Variants in MTSS1 observed in about 807,000 individuals in gnomAD.
MTSS1 encodes the protein MTSS I-BAR domain containing 1.
MTSS1 carries 18 observed loss-of-function variants against 79.0 expected under a neutral mutation model. That is an observed-to-expected ratio of 0.23 (90% CI 0.16 to 0.34). The LOEUF is 0.34. Among genes scored for constraint, MTSS1 ranks in the 10% least tolerant of loss-of-function variants. The pLI, the probability that MTSS1 is intolerant of heterozygous loss-of-function variation, is 1.00. For missense variants in MTSS1, 815 were observed against 986.2 expected, an observed-to-expected ratio of 0.83 and a Z score of 2.33; for synonymous variants, 341 against 368.6, an observed-to-expected ratio of 0.93 and a Z score of 0.86.
chr8:124,714,009 T>C (rs1354990356), intron 1 of MTSS1, among the ~76,000 whole-genome samples: 2 of 152,114 alleles, frequency 1.3e-5, no homozygotes, highest in Non-Finnish European at 2.9e-5. Context: ...GGCCTCCCAA[T>C]GTGCTGGGAT....
At chr8:124,649,240 G>GT (rs1005674984) in intron 3 of MTSS1, among the ~76,000 whole-genome samples, 1 of 152,224 alleles carries the variant, frequency 6.6e-6, no homozygotes, top group Non-Finnish European at 1.5e-5. Flanking sequence ...TTGAGTGGTT[G>GT]TGAGAGAGAC....
intron 9 of MTSS1, 39 bp from the exon 10 acceptor site, chr8:124,563,031 G>A (rs1185280826): frequency 1.2e-5 from 18 of 1,535,942 alleles, no homozygotes; most frequent in Non-Finnish European, 1.5e-5. Flanking sequence ...GGGCACGGAA[G>A]GTAAAGAAAG....
At position 124,641,828 on chromosome 8, in the gene MTSS1, T is replaced by C. The variant is rs146226532; in HGVS notation, c.209-50593A>G. ...CCAGAGTAGGAATAAAAGGAAGAGA[T>C]AAACAGAAGAGAATTTAAAAAGTAT... On this transcript the variant is annotated intron_variant, in intron 3 of 13. Coordinates refer to ENST00000518547, the MANE Select transcript of MTSS1 (RefSeq NM_014751.6). Among the ~76,000 whole-genome samples the C allele has an allele frequency of 6.4e-3, 976 of 152,274 alleles. 3 individuals carry two copies. Among genetic ancestry groups the C allele is most frequent in the Non-Finnish European group, 0.011 (723 of 68,014 alleles).
intron 3 of MTSS1, among the ~76,000 whole-genome samples, chr8:124,593,651 G>A (rs1041509785): frequency 6.6e-6 from 1 of 152,216 alleles, no homozygotes; most frequent in African/African-American, 2.4e-5. Context: ...ACTGCTGTGA[G>A]TACTCTGCAC....
chr8:124,578,046 G>T (rs898251908), intron 6 of MTSS1, among the ~76,000 whole-genome samples: 1 of 152,178 alleles, frequency 6.6e-6, no homozygotes, highest in Non-Finnish European at 1.5e-5. Flanking sequence ...CATTTCACAG[G>T]CTTTTTCCAA....
intron 3 of MTSS1, among the ~76,000 whole-genome samples, chr8:124,642,713 C>T (rs1191582129): frequency 6.6e-6 from 1 of 152,166 alleles, no homozygotes; most frequent in Non-Finnish European, 1.5e-5. Context: ...AGGGCTCAGA[C>T]TCTCAAGTAG....
rs1192251648 is a variant in MTSS1, at chr8:124,558,979, G to A, written c.1036-1104C>T. The A allele has an allele frequency of 2.6e-6, 3 of 1,152,638 alleles. No individual in the cohort carries two copies. The African/African-American group carries it at 4.7e-5, about 18-fold the overall frequency. The allele number at this position is 1,152,638 out of a possible 1,614,324, so 71.4% of individuals were successfully genotyped here. A position where few individuals can be genotyped will look rare whatever the true frequency, so the allele number is the denominator to read the frequency against. On this transcript the variant is annotated intron_variant, in intron 10 of 13. Coordinates refer to ENST00000518547, the MANE Select transcript of MTSS1 (RefSeq NM_014751.6). ...AGACAGACATATACACAGAAGAGGG[G>A]AGGATGAGAGAAGCAGAGGGTTAGG...
intron 6 of MTSS1, among the ~76,000 whole-genome samples, chr8:124,574,583 A>T (rs1828598159): frequency 6.6e-6 from 1 of 152,172 alleles, no homozygotes; most frequent in African/African-American, 2.4e-5. Flanking sequence ...TAAACAGCCG[A>T]TCAAAAAGCC....
intron 6 of MTSS1, among the ~76,000 whole-genome samples, chr8:124,579,057 A>C (rs1330824904): frequency 1.3e-5 from 2 of 152,224 alleles, no homozygotes; most frequent in Admixed American, 1.3e-4. Flanking sequence ...AGGGGGTTGC[A>C]GAGATTTCTC....
At chr8:124,564,936 T>C (rs546807517) in intron 9 of MTSS1, 15 of 152,364 alleles carry the variant, frequency 9.8e-5, no homozygotes, top group African/African-American at 3.6e-4. Flanking sequence ...TGGAAACTCA[T>C]TTGGCTTTGA....
At chr8:124,558,764 G>C (rs755093743) in intron 10 of MTSS1, 27 of 1,584,574 alleles carry the variant, frequency 1.7e-5, no homozygotes, top group Middle Eastern at 1.7e-4. Context: ...TGACAGAGGT[G>C]GGGGAGCTGC....
At chr8:124,662,252 A>T (rs1411910379) in intron 3 of MTSS1, among the ~76,000 whole-genome samples, 1 of 152,172 alleles carries the variant, frequency 6.6e-6, no homozygotes, top group African/African-American at 2.4e-5. Flanking sequence ...ATGACAACTG[A>T]GAATGAATAG....
At chr8:124,647,097 G>A (rs562581883) in intron 3 of MTSS1, among the ~76,000 whole-genome samples, 4 of 152,220 alleles carry the variant, frequency 2.6e-5, no homozygotes, top group East Asian at 1.9e-4. Context: ...TGATCCTCCC[G>A]CCTCAGCTTC....
At chr8:124,721,332 A>G (rs1474020114) in intron 1 of MTSS1, among the ~76,000 whole-genome samples, 1 of 151,896 alleles carries the variant, frequency 6.6e-6, no homozygotes, top group Non-Finnish European at 1.5e-5. Context: ...GAATCAATAA[A>G]TCATGGCAAA....
At chr8:124,592,656 T>C (rs62530664) in intron 3 of MTSS1, among the ~76,000 whole-genome samples, 77,984 of 152,062 alleles carry the variant, frequency 0.51, 20,443 homozygotes, top group African/African-American at 0.62. Context: ...GACATATATA[T>C]CGTATATTAA....
rs757684249 is a variant in MTSS1 at position 124,557,704 on chromosome 8, A to C, written c.1207T>G (p.Ser403Ala). 2 of 1,587,200 alleles carry C rather than the reference A, an allele frequency of 1.3e-6. No individual in the cohort carries two copies. The highest frequency in any genetic ancestry group is 3.5e-5 in the Admixed American group (2 of 56,400). ...ACCTTCCAGCTAGGGATCTGAGATG[A>C]CGGGAACATGCCGGGCCCAATGGTG... ...YYTIGPGMFPSSQIPSWKDWA... is the reference protein window; with the variant it reads ...YYTIGPGMFPASQIPSWKDWA... Residue 403 changes from serine (S) to alanine (A), a missense_variant, in exon 11 of 14, where the codon TCA becomes GCA. Ser to Ala is a moderately conservative substitution (Grantham distance 99). Transcript: ENST00000518547.
At position 124,602,451 on chromosome 8, in the gene MTSS1, C is replaced by T. The variant is rs371154193; in HGVS notation, c.209-11216G>A. 9.2e-5 allele frequency among the ~76,000 whole-genome samples: 14 copies of T among 152,078 alleles called. No homozygotes were observed. In the South Asian group the frequency reaches 1.2e-3, roughly 14 times the overall value. ...CTGGCCTCAAGTGATTCCCCCACCT[C>T]GACCTCCCAAAGTGCTAGGATTACA... On this transcript the variant is annotated intron_variant, in intron 3 of 13. Transcript: ENST00000518547.
intron 3 of MTSS1, among the ~76,000 whole-genome samples, chr8:124,643,897 AT>A (rs770757345): frequency 8.5e-5 from 13 of 152,170 alleles, no homozygotes; most frequent in Non-Finnish European, 1.6e-4. Flanking sequence ...AATTGTTTGT[AT>A]TTTTGAAATT....
At chr8:124,716,574 A>G (rs1290511763) in intron 1 of MTSS1, among the ~76,000 whole-genome samples, 1 of 152,168 alleles carries the variant, frequency 6.6e-6, no homozygotes, top group Non-Finnish European at 1.5e-5. Flanking sequence ...GTGTTTGCTA[A>G]CACTACAGGT....
Sources: gnomAD v4.1 joint callset for allele counts (sites outside exome capture counted in the v4.1 genomes callset) on GRCh38, gnomAD v4.1.1 for gene constraint, MANE v1.5 for transcripts, NCBI Gene and HGNC (gene_info 2026-07-23, HGNC 2026-07-21) for gene names.